RIPK1: variants seen among roughly 807,000 people sequenced by gnomAD.
The protein encoded by RIPK1 is receptor interacting serine/threonine kinase 1, also known as receptor-interacting serine/threonine-protein kinase 1.
RIPK1 carries 27 observed loss-of-function variants against 62.4 expected under a neutral mutation model. That is an observed-to-expected ratio of 0.43 (90% CI 0.32 to 0.60). RIPK1 has a LOEUF of 0.60. Ranked by LOEUF, RIPK1 falls within the 20% of genes least tolerant of loss-of-function variation. The probability of loss-of-function intolerance (pLI) is 0.07; values close to 1 mark genes in which losing one functional copy is unlikely to be tolerated. For missense variants in RIPK1, 735 were observed against 831.0 expected (o/e 0.88, Z 1.42); for synonymous variants, 287 against 303.2 (o/e 0.95, Z 0.55).
At chr6:3,100,451 G>C (rs1377010038) in intron 7 of RIPK1, among the ~76,000 whole-genome samples, 1 of 152,062 alleles carries the variant, frequency 6.6e-6, no homozygotes, top group Non-Finnish European at 1.5e-5. Flanking sequence ...TGGAATGTGT[G>C]TGCAAATTCC....
At chr6:3,104,705 G>T (rs1448418078) in intron 8 of RIPK1, among the ~76,000 whole-genome samples, 1 of 152,176 alleles carries the variant, frequency 6.6e-6, no homozygotes, top group African/African-American at 2.4e-5. Flanking sequence ...AGGGATGGCA[G>T]AGTATAGGAT....
chr6:3,085,550 A>G (rs1458058621), intron 6 of RIPK1, 142 bp downstream of exon 6: 2 of 866,982 alleles, frequency 2.3e-6, no homozygotes, highest in Admixed American at 5.1e-5. Flanking sequence ...CTAGATTTCA[A>G]ACATGTTATT....
intron 7 of RIPK1, among the ~76,000 whole-genome samples, chr6:3,098,838 G>A (rs1486544636): frequency 6.6e-6 from 1 of 152,208 alleles, no homozygotes; most frequent in Non-Finnish European, 1.5e-5. Context: ...AGAAGGCAAC[G>A]AAGCCTGACA....
In RIPK1 at chr6:3,078,434, C is replaced by T. The variant is rs145722609; in HGVS notation, c.321+499C>T. 4.1e-3 allele frequency among the ~76,000 whole-genome samples: 625 copies of T among 152,320 alleles called. 4 individuals carry two copies. Among genetic ancestry groups the T allele is most frequent in the African/African-American group, 0.013 (547 of 41,564 alleles). On this transcript the variant is annotated intron_variant, in intron 3 of 10. Transcript: ENST00000259808. ...CCTGAGAGTGGTCTCTTCATCCTCT[C>T]GATCCTGTGGACAGTCCTCCATAGT...
At chr6:3,090,367 A>G (rs1472782706) in intron 7 of RIPK1, among the ~76,000 whole-genome samples, 1 of 152,174 alleles carries the variant, frequency 6.6e-6, no homozygotes, top group Non-Finnish European at 1.5e-5. Context: ...CATGAACAGG[A>G]GACTACGACA....
In RIPK1 at chr6:3,076,785, GA is replaced by G. The variant is rs775048451; in HGVS notation, c.-34del. On this transcript the variant is annotated 5_prime_UTR_variant, in exon 2 of 11. Transcript: ENST00000259808. Reference sequence around the variant, plus strand: ...ACAGGGTACAGCTCTGCCGGGGGGGGAAAAAGTGGTACCATTTTGGGCGTTC... The same window carrying G: ...ACAGGGTACAGCTCTGCCGGGGGGGGAAAAGTGGTACCATTTTGGGCGTTC... 1.0e-5 allele frequency: 16 copies of G among 1,605,542 alleles called. No individual in the cohort carries two copies. The highest frequency in any genetic ancestry group is 3.3e-5 in the South Asian group (3 of 90,620).
At chr6:3,103,591 T>C (rs2113686342) in intron 7 of RIPK1, among the ~76,000 whole-genome samples, 1 of 152,316 alleles carries the variant, frequency 6.6e-6, no homozygotes, top group African/African-American at 2.4e-5. Context: ...CTGTAGGTTA[T>C]CTTTTTACTC....
chr6:3,064,614 G>C (rs1303353429), upstream of RIPK1, among the ~76,000 whole-genome samples: 1 of 152,188 alleles, frequency 6.6e-6, no homozygotes, highest in Non-Finnish European at 1.5e-5. Context: ...AGCAAGATGA[G>C]GAATCACTTT....
rs562783718 is a variant in RIPK1, at chr6:3,072,799, G to A, written c.-60-3965G>A. ...GAAGAATATGGCCTAAGAGGGTGGG[G>A]CGGATGACCCTTATGGAATGGGGAA... On this transcript the variant is annotated intron_variant, in intron 1 of 10. Coordinates refer to ENST00000259808, the MANE Select transcript of RIPK1 (RefSeq NM_001354930.2). The surrounding 1 kb of genome is among the most constrained non-coding windows in gnomAD (Gnocchi z 5.6). Among the ~76,000 whole-genome samples, 37 of 152,316 alleles carry A rather than the reference G, an allele frequency of 2.4e-4. No homozygotes were observed. Among genetic ancestry groups the A allele is most frequent in the Admixed American group, 1.8e-3 (27 of 15,304 alleles).
At chr6:3,111,432 A>C (rs1434224400) in intron 10 of RIPK1, among the ~76,000 whole-genome samples, 2 of 152,134 alleles carry the variant, frequency 1.3e-5, no homozygotes, top group Non-Finnish European at 2.9e-5. Context: ...GCTAATCCCA[A>C]AGTACAGTCT....
At chr6:3,088,704 TG>T (rs1759858132) in intron 6 of RIPK1, 1 of 152,362 alleles carries the variant, frequency 6.6e-6, no homozygotes, top group Middle Eastern at 3.2e-3. Context: ...ACAGAGTGGT[TG>T]CTGACTAAAA....
intron 9 of RIPK1, among the ~76,000 whole-genome samples, chr6:3,108,318 A>T (rs1760964940): frequency 6.6e-6 from 1 of 152,004 alleles, no homozygotes; most frequent in Non-Finnish European, 1.5e-5. Context: ...TCAATTATAA[A>T]TGAAAATGTT....
chr6:3,097,001 G>C (rs1760351120), intron 7 of RIPK1, among the ~76,000 whole-genome samples: 1 of 152,110 alleles, frequency 6.6e-6, no homozygotes. Context: ...CTCCCGAGTA[G>C]CTGGGATTAA....
intron 6 of RIPK1, among the ~76,000 whole-genome samples, chr6:3,088,351 A>G (rs1376624944): frequency 6.6e-6 from 1 of 152,152 alleles, no homozygotes. Context: ...AGGTGAAGGT[A>G]CCTCATTACT....
chr6:3,082,137 AAAGGGGAAGCGG>A (rs1207551757), intron 4 of RIPK1, among the ~76,000 whole-genome samples: 1 of 152,138 alleles, frequency 6.6e-6, no homozygotes, highest in African/African-American at 2.4e-5. Context: ...CAAGAATCCA[AAAGGGGAAGCGG>A]AAGGGGAAGC....
At chr6:3,103,019 A>G (rs1760667926) in intron 7 of RIPK1, among the ~76,000 whole-genome samples, 1 of 152,088 alleles carries the variant, frequency 6.6e-6, no homozygotes, top group African/African-American at 2.4e-5. Flanking sequence ...TTTATTTACC[A>G]TTTTTATATT....
At chr6:3,083,349 A>G in intron 5 of RIPK1, 36 bp downstream of exon 5, 1 of 1,547,066 alleles carries the variant, frequency 6.5e-7, no homozygotes, top group Non-Finnish European at 8.8e-7. Context: ...CCGTCCCCTC[A>G]GCATCTACAC....
upstream of RIPK1, among the ~76,000 whole-genome samples, chr6:3,066,356 A>G (rs1475836084): frequency 2.0e-5 from 3 of 152,108 alleles, no homozygotes. Flanking sequence ...TTAATTCACA[A>G]CCGAGTCTTC....
At chr6:3,083,542 A>ACTT (rs1287554164) in intron 5 of RIPK1, among the ~76,000 whole-genome samples, 1 of 151,950 alleles carries the variant, frequency 6.6e-6, no homozygotes, top group Non-Finnish European at 1.5e-5. Context: ...GCTTGTGAGG[A>ACTT]CTTAGCCTTT....
Sources: allele counts gnomAD v4.1 joint callset (sites outside exome capture counted in the v4.1 genomes callset), GRCh38; gene constraint gnomAD v4.1.1; non-coding constraint Gnocchi (gnomAD v3.1); transcripts MANE v1.5; gene names NCBI Gene and HGNC (gene_info 2026-07-23, HGNC 2026-07-21).